Variants in CDH13 observed in about 807,000 individuals in gnomAD.
CDH13 encodes the protein cadherin-13.
CDH13 carries 24 observed loss-of-function variants against 63.8 expected under a neutral mutation model. The observed-to-expected ratio is 0.38, with a 90% CI of 0.27 to 0.53. The LOEUF (loss-of-function observed/expected upper bound fraction) is 0.53, where lower values mean the gene tolerates loss of function less well. Among genes scored for constraint, CDH13 ranks in the 20% least tolerant of loss-of-function variants. CDH13 has a pLI of 0.85. For missense variants in CDH13, 1,049 were observed against 903.1 expected (o/e 1.16, Z -2.07); for synonymous variants, 503 against 355.3 (o/e 1.42, Z -4.67).
intron 2 of CDH13, among the ~76,000 whole-genome samples, chr16:82,977,985 A>T (rs1335242676): frequency 3.3e-5 from 5 of 152,292 alleles, no homozygotes; most frequent in Admixed American, 1.3e-4. Flanking sequence ...GTCTCAAATG[A>T]AGATGAGGAA....
chr16:83,452,527 G>A (rs372428736), intron 6 of CDH13, among the ~76,000 whole-genome samples: 6 of 152,066 alleles, frequency 3.9e-5, no homozygotes, highest in Non-Finnish European at 8.8e-5. Flanking sequence ...TTCTCGGTTC[G>A]TTTTGTGTTT....
At chr16:82,881,801 C>A (rs1007478519) in intron 2 of CDH13, among the ~76,000 whole-genome samples, 1 of 151,972 alleles carries the variant, frequency 6.6e-6, no homozygotes, top group African/African-American at 2.4e-5. Context: ...TCTGAGTGTC[C>A]CCCTGCGATA....
At chr16:83,447,151 A>G (rs893325869) in intron 6 of CDH13, among the ~76,000 whole-genome samples, 1 of 102,928 alleles carries the variant, frequency 9.7e-6, no homozygotes, top group Admixed American at 1.6e-4. Flanking sequence ...GCGGTGGCTC[A>G]CGCCTGTAAT....
intron 2 of CDH13, among the ~76,000 whole-genome samples, chr16:82,966,885 G>C (rs34507181): frequency 6.6e-6 from 1 of 151,894 alleles, no homozygotes; most frequent in South Asian, 2.1e-4. Flanking sequence ...GCAAATTAAC[G>C]CTATTAAAAA....
intron 7 of CDH13, among the ~76,000 whole-genome samples, chr16:83,489,369 A>C (rs1255865726): frequency 6.6e-6 from 1 of 152,190 alleles, no homozygotes; most frequent in Non-Finnish European, 1.5e-5. Context: ...ATTTAACCGA[A>C]ATTGGAAAAT....
At chr16:83,511,878 G>A (rs895308184) in intron 7 of CDH13, among the ~76,000 whole-genome samples, 2 of 152,092 alleles carry the variant, frequency 1.3e-5, no homozygotes, top group Admixed American at 6.5e-5. Flanking sequence ...TAGCTTTGAG[G>A]CCTGGGCATG....
intron 7 of CDH13, among the ~76,000 whole-genome samples, chr16:83,537,018 C>A (rs1265450964): frequency 6.6e-6 from 1 of 152,198 alleles, no homozygotes; most frequent in Non-Finnish European, 1.5e-5. Flanking sequence ...GCATTGAGAA[C>A]TAAGGCAGAA....
chr16:82,930,919 C>T (rs1212634662), intron 2 of CDH13, among the ~76,000 whole-genome samples: 1 of 152,194 alleles, frequency 6.6e-6, no homozygotes. Flanking sequence ...TTGCTTTTAC[C>T]TGCAGACTCT....
intron 5 of CDH13, among the ~76,000 whole-genome samples, chr16:83,342,365 G>A (rs1407987320): frequency 6.6e-6 from 1 of 152,018 alleles, no homozygotes; most frequent in Non-Finnish European, 1.5e-5. Context: ...TGGATACCAG[G>A]GTGTTCAGCG....
At chr16:83,525,392 A>G (rs947279433) in intron 7 of CDH13, among the ~76,000 whole-genome samples, 4 of 152,272 alleles carry the variant, frequency 2.6e-5, no homozygotes, top group African/African-American at 9.6e-5. Context: ...GCCTGTGGTC[A>G]CATGGTTAAA....
In CDH13 at chr16:83,486,472, G is replaced by A. The variant is rs769365671; in HGVS notation, c.782-5G>A. On this transcript the variant is annotated splice_polypyrimidine_tract_variant and splice_region_variant and intron_variant, in intron 6 of 13. Coordinates refer to ENST00000567109, the MANE Select transcript of CDH13 (RefSeq NM_001257.5). Reference sequence around the variant, plus strand: ...ATTCCGTGCCTTTCTGTCTTGCCCCGGTAGGCACCACAGTGATGCGGATGA... The same window carrying A: ...ATTCCGTGCCTTTCTGTCTTGCCCCAGTAGGCACCACAGTGATGCGGATGA... 2.0e-5 allele frequency: 32 copies of A among 1,610,394 alleles called. No individual in the cohort carries two copies. Among genetic ancestry groups the A allele is most frequent in the African/African-American group, 2.7e-5 (2 of 74,854 alleles).
chr16:83,565,432 C>A (rs1180302053), intron 7 of CDH13, among the ~76,000 whole-genome samples: 1 of 139,542 alleles, frequency 7.2e-6, no homozygotes, highest in Non-Finnish European at 1.5e-5. Flanking sequence ...GGACTGATTA[C>A]CGAGTCTCTT....
chr16:83,076,929 T>C lies in CDH13; in HGVS notation c.366+44711T>C, dbSNP rs1327533838. On this transcript the variant is annotated intron_variant, in intron 3 of 13. Transcript: ENST00000567109. ...GTAATGGCAAAAACCGCAATTACTT[T>C]TGTGCCAACTGAATACAACTGTGCA... 3.9e-3 allele frequency among the ~76,000 whole-genome samples: 598 copies of C among 152,186 alleles called. 2 individuals are homozygous for C. Among genetic ancestry groups the C allele is most frequent in the Non-Finnish European group, 6.3e-3 (429 of 68,006 alleles).
chr16:83,410,060 C>T (rs1324464780), intron 6 of CDH13, among the ~76,000 whole-genome samples: 1 of 152,108 alleles, frequency 6.6e-6, no homozygotes, highest in Admixed American at 6.5e-5. Flanking sequence ...GTGAAAAGGT[C>T]CCTGAGAGTT....
intron 3 of CDH13, among the ~76,000 whole-genome samples, chr16:83,066,528 A>G (rs1214511526): frequency 6.9e-6 from 1 of 144,292 alleles, no homozygotes; most frequent in African/African-American, 2.9e-5. Flanking sequence ...TACAAAAGGG[A>G]TTATAAAGCC....
chr16:83,180,740 C>G (rs547764935), intron 4 of CDH13: 5 of 646,172 alleles, frequency 7.7e-6, no homozygotes, highest in African/African-American at 3.7e-5. Flanking sequence ...TCTAGAAAAA[C>G]GGTCACTCTA....
chr16:83,321,525 ATT>A (rs10672316), intron 5 of CDH13, among the ~76,000 whole-genome samples: 14 of 103,648 alleles, frequency 1.4e-4, no homozygotes, highest in Non-Finnish European at 2.0e-4. Context: ...GAAATCTGGA[ATT>A]TTTTTTTTTT....
At chr16:83,139,485 T>C (rs565573122) in intron 4 of CDH13, among the ~76,000 whole-genome samples, 1 of 152,244 alleles carries the variant, frequency 6.6e-6, no homozygotes, top group South Asian at 2.1e-4. Context: ...GTTTACACAA[T>C]TCACAGGCTC....
intron 7 of CDH13, among the ~76,000 whole-genome samples, chr16:83,491,579 T>TC (rs2074013148): frequency 6.6e-6 from 1 of 152,196 alleles, no homozygotes; most frequent in African/African-American, 2.4e-5. Context: ...TTTTTTTTTT[T>TC]TTTCTTTTTT....
Sources: gnomAD v4.1 joint callset for allele counts (sites outside exome capture counted in the v4.1 genomes callset) on GRCh38, gnomAD v4.1.1 for gene constraint, MANE v1.5 for transcripts, NCBI Gene and HGNC (gene_info 2026-07-23, HGNC 2026-07-21) for gene names.